Variants in PINX1 observed in about 807,000 individuals in gnomAD.
PINX1 encodes PIN2 (TERF1) interacting telomerase inhibitor 1.
Under a neutral mutation model 25.4 loss-of-function variants are expected in PINX1, and 34 were observed. That is an observed-to-expected ratio of 1.34 (90% confidence interval 1.02 to 1.78). The LOEUF (loss-of-function observed/expected upper bound fraction) is 1.78. PINX1 is among the 40% of genes most tolerant of loss of function. The pLI, the probability that PINX1 is intolerant of heterozygous loss-of-function variation, is 0.00. For missense variants in PINX1, 592 were observed against 404.9 expected, an observed-to-expected ratio of 1.46 and a Z score of -3.97; for synonymous variants, 197 against 147.7, an observed-to-expected ratio of 1.33 and a Z score of -2.42.
chr8:10,838,672 T>G (rs538644848), intron 1 of PINX1, among the ~76,000 whole-genome samples: 1 of 152,208 alleles, frequency 6.6e-6, no homozygotes, highest in Non-Finnish European at 1.5e-5. Context: ...GACTCCTCAT[T>G]TTTTACTGGT....
intron 1 of PINX1, among the ~76,000 whole-genome samples, chr8:10,836,787 T>G (rs745885383): frequency 6.6e-6 from 1 of 152,218 alleles, no homozygotes; most frequent in Non-Finnish European, 1.5e-5. Flanking sequence ...TATGCAAATG[T>G]GCAGATCCTC....
chr8:10,825,284 G>C, intron 5 of PINX1: 4 of 528,098 alleles, frequency 7.6e-6, no homozygotes, highest in South Asian at 5.6e-5. Flanking sequence ...ATTCCTAGAA[G>C]ACCAAAGCAG....
chr8:10,838,690 T>C (rs1259703500), intron 1 of PINX1, among the ~76,000 whole-genome samples: 41 of 152,152 alleles, frequency 2.7e-4, no homozygotes, highest in South Asian at 2.1e-4. Context: ...GGTGAAAAAA[T>C]AGAACCGACG....
chr8:10,793,991 A>T (rs1350818185), intron 6 of PINX1, among the ~76,000 whole-genome samples: 1 of 152,258 alleles, frequency 6.6e-6, no homozygotes, highest in Non-Finnish European at 1.5e-5. Flanking sequence ...TCAACATAGC[A>T]TTTGTGTGAG....
intron 3 of PINX1, 108 bp from the exon 4 acceptor site, chr8:10,831,851 T>A: frequency 1.5e-6 from 1 of 666,108 alleles, no homozygotes; most frequent in Non-Finnish European, 2.7e-6. Flanking sequence ...TAAGAAATTT[T>A]AAATGTTCCA....
intron 6 of PINX1, among the ~76,000 whole-genome samples, chr8:10,784,384 G>A (rs182596717): frequency 4.2e-3 from 641 of 152,268 alleles, no homozygotes; most frequent in Admixed American, 7.8e-3. Flanking sequence ...ATCGGAATTC[G>A]ATACATTATT....
intron 6 of PINX1, among the ~76,000 whole-genome samples, chr8:10,816,651 A>G (rs1039584694): frequency 6.6e-6 from 1 of 152,166 alleles, no homozygotes; most frequent in African/African-American, 2.4e-5. Flanking sequence ...ACAGCCAATC[A>G]TTTTCCCACA....
chr8:10,837,918 G>A (rs1273582489), intron 1 of PINX1, among the ~76,000 whole-genome samples: 1 of 152,208 alleles, frequency 6.6e-6, no homozygotes, highest in Non-Finnish European at 1.5e-5. Context: ...TGCAACCTAC[G>A]TTAGAACTTA....
intron 6 of PINX1, among the ~76,000 whole-genome samples, chr8:10,775,206 T>G (rs1427513515): frequency 6.6e-6 from 1 of 152,160 alleles, no homozygotes; most frequent in Non-Finnish European, 1.5e-5. Context: ...AAAAATATAT[T>G]GAAAACTTAA....
chr8:10,839,502 G>A (rs1208355272), intron 1 of PINX1, among the ~76,000 whole-genome samples: 1 of 152,198 alleles, frequency 6.6e-6, no homozygotes, highest in African/African-American at 2.4e-5. Context: ...GGGTGATTCT[G>A]AGAACGGCGT....
At chr8:10,804,909 G>C (rs952086745) in intron 6 of PINX1, among the ~76,000 whole-genome samples, 2 of 151,792 alleles carry the variant, frequency 1.3e-5, no homozygotes, top group African/African-American at 4.8e-5. Flanking sequence ...AAGTGACCCT[G>C]CCTATACTTT....
chr8:10,782,323 A>C (rs1801610509), intron 6 of PINX1, among the ~76,000 whole-genome samples: 1 of 152,162 alleles, frequency 6.6e-6, no homozygotes, highest in African/African-American at 2.4e-5. Context: ...AGGTTCACTA[A>C]ATGAGATTAC....
At chr8:10,839,631 G>T (rs1798508981) in intron 1 of PINX1, 107 bp downstream of exon 1, 2 of 1,164,690 alleles carry the variant, frequency 1.7e-6, no homozygotes, top group Admixed American at 2.0e-5. Context: ...GATCCCATGC[G>T]CCAGGCGCGC....
At chr8:10,836,521 G>C (rs954543895) in intron 1 of PINX1, among the ~76,000 whole-genome samples, 1 of 152,144 alleles carries the variant, frequency 6.6e-6, no homozygotes, top group African/African-American at 2.4e-5. Flanking sequence ...ATAAGCTCAC[G>C]CTCTGCAGTT....
intron 1 of PINX1, among the ~76,000 whole-genome samples, chr8:10,837,340 T>G (rs1490687789): frequency 6.6e-6 from 1 of 152,232 alleles, no homozygotes; most frequent in Non-Finnish European, 1.5e-5. Context: ...TGTGACTCCC[T>G]GGGGGAGGGC....
chr8:10,829,209 C>T (rs1234615199), intron 4 of PINX1, among the ~76,000 whole-genome samples: 1 of 148,476 alleles, frequency 6.7e-6, no homozygotes, highest in Non-Finnish European at 1.5e-5. Context: ...TCGCTTGAAC[C>T]CGGGAGGCGG....
At chr8:10,811,259 T>G (rs1797513927) in intron 6 of PINX1, among the ~76,000 whole-genome samples, 1 of 152,222 alleles carries the variant, frequency 6.6e-6, no homozygotes, top group Admixed American at 6.5e-5. Flanking sequence ...AATGCAGGCA[T>G]ATGAAACGAG....
At chr8:10,789,005 G>A (rs1294181578) in intron 6 of PINX1, among the ~76,000 whole-genome samples, 2 of 136,452 alleles carry the variant, frequency 1.5e-5, no homozygotes, top group Middle Eastern at 7.3e-3. Context: ...TGGGGGTGGG[G>A]ATTGAAGAGC....
intron 6 of PINX1, among the ~76,000 whole-genome samples, chr8:10,798,644 C>A (rs1802165338): frequency 6.6e-6 from 1 of 152,210 alleles, no homozygotes; most frequent in Non-Finnish European, 1.5e-5. Flanking sequence ...CCAGGTAAAA[C>A]TAAACTCTTT....
Sources: gnomAD v4.1 joint callset for allele counts (sites outside exome capture counted in the v4.1 genomes callset) on GRCh38, gnomAD v4.1.1 for gene constraint, MANE v1.5 for transcripts, NCBI Gene and HGNC (gene_info 2026-07-23, HGNC 2026-07-21) for gene names.